SNED1: variants seen among roughly 807,000 people sequenced by gnomAD.
SNED1 encodes the protein sushi, nidogen and EGF like domains 1.
Under a neutral mutation model 166.7 loss-of-function variants are expected in SNED1, and 81 were observed. The observed-to-expected ratio is 0.49, with a 90% confidence interval of 0.41 to 0.58. The LOEUF is 0.58. SNED1 is among the 20% of genes least tolerant of loss of function. SNED1 has a pLI of 0.00. For synonymous variants in SNED1, 762 were observed against 822.0 expected (o/e 0.93, Z 1.25); for missense variants, 1,604 against 2,000.2 (o/e 0.80, Z 3.78).
intron 21 of SNED1, among the ~76,000 whole-genome samples, chr2:241,067,316 G>C (rs2062496792): frequency 6.6e-6 from 1 of 152,204 alleles, no homozygotes; most frequent in Non-Finnish European, 1.5e-5. Flanking sequence ...CCCCTTCCCT[G>C]CAGTTGCTGG....
intron 27 of SNED1, among the ~76,000 whole-genome samples, chr2:241,076,952 G>A (rs531094438): frequency 6.6e-6 from 1 of 152,142 alleles, no homozygotes; most frequent in Non-Finnish European, 1.5e-5. Context: ...GGTGGCGGGC[G>A]CCTGTGGTCC....
At chr2:241,037,644 G>C (rs1269710213) in intron 6 of SNED1, among the ~76,000 whole-genome samples, 1 of 152,252 alleles carries the variant, frequency 6.6e-6, no homozygotes, top group Admixed American at 6.5e-5. Flanking sequence ...ACCAGGCCAG[G>C]ATCAGGGTCA....
intron 16 of SNED1, among the ~76,000 whole-genome samples, chr2:241,057,055 C>G (rs1347616510): frequency 6.6e-6 from 1 of 151,996 alleles, no homozygotes; most frequent in African/African-American, 2.4e-5. Flanking sequence ...CCCACAAATT[C>G]AAAAAGCTCA....
chr2:241,037,009 T>A, intron 5 of SNED1, 94 bp downstream of exon 5: 1 of 1,438,518 alleles, frequency 7.0e-7, no homozygotes, highest in Non-Finnish European at 9.4e-7. Flanking sequence ...GCGCCCAGGG[T>A]CCCAGGTCAG....
chr2:241,062,580 G>A (rs935331463), intron 16 of SNED1, among the ~76,000 whole-genome samples: 11 of 152,118 alleles, frequency 7.2e-5, no homozygotes, highest in African/African-American at 2.7e-4. Flanking sequence ...TTTCAAGCCC[G>A]CCCTGCTGCT....
intron 24 of SNED1, 74 bp from the exon 25 acceptor site, chr2:241,071,502 A>G: frequency 6.7e-7 from 1 of 1,493,152 alleles, no homozygotes; most frequent in Non-Finnish European, 9.0e-7. Flanking sequence ...GAGGGGCACC[A>G]CCCATGCCAC....
intron 21 of SNED1, among the ~76,000 whole-genome samples, chr2:241,066,282 G>A (rs1358370295): frequency 2.0e-5 from 3 of 152,288 alleles, no homozygotes; most frequent in African/African-American, 7.2e-5. Flanking sequence ...AAGATGCTGA[G>A]CGCTCTAGGG....
chr2:241,003,350 G>T (rs1574832317), intron 1 of SNED1, among the ~76,000 whole-genome samples: 2 of 152,308 alleles, frequency 1.3e-5, no homozygotes, highest in East Asian at 3.9e-4. Context: ...TGGTGCCCTG[G>T]TGAAGGACTC....
chr2:241,082,236 G>A (rs535587569), intron 28 of SNED1, 41 bp from the exon 29 acceptor site: 106 of 1,526,984 alleles, frequency 6.9e-5, no homozygotes, highest in South Asian at 6.5e-4. Flanking sequence ...AGGAGGAGCC[G>A]TCAGGAGCAC....
chr2:241,074,711 G>A (rs1575078496), intron 27 of SNED1: 1 of 152,328 alleles, frequency 6.6e-6, no homozygotes, highest in African/African-American at 2.4e-5. Context: ...GCCCCTCGAT[G>A]CGCAAAGCCA....
At chr2:240,997,939 A>C (rs1196112816), upstream of SNED1, among the ~76,000 whole-genome samples, 1 of 152,170 alleles carries the variant, frequency 6.6e-6, no homozygotes, top group Non-Finnish European at 1.5e-5. Flanking sequence ...GGGACCCTGA[A>C]TTCAAATACT....
chr2:241,085,156 T>A (rs565376422), intron 29 of SNED1, among the ~76,000 whole-genome samples: 2 of 152,308 alleles, frequency 1.3e-5, no homozygotes, highest in South Asian at 4.1e-4. Flanking sequence ...TTTAATTTTG[T>A]CAAACTTCGT....
At chr2:240,998,120 C>CT (rs2059968226), upstream of SNED1, among the ~76,000 whole-genome samples, 1 of 152,272 alleles carries the variant, frequency 6.6e-6, no homozygotes, top group Admixed American at 6.5e-5. Context: ...GATGCAAACA[C>CT]TTTGTTCCAT....
chr2:241,045,084 T>G lies in SNED1; in HGVS notation c.1274-3231T>G, dbSNP rs552884173. Among the ~76,000 whole-genome samples the G allele has an allele frequency of 2.0e-5, 3 of 152,292 alleles. No individual in the cohort carries two copies. In the East Asian group the frequency reaches 5.8e-4, roughly 29 times the overall value. ...ATAGCTCCTCTCAAATTGAAAGACT[T>G]TAGTATAAATCTACTAAAACATTAG... is the stretch of plus-strand genomic sequence containing the variant. On this transcript the variant is annotated intron_variant, in intron 8 of 31. Transcript: ENST00000310397.
At position 241,063,611 on chromosome 2, in the gene SNED1, C is replaced by A; in HGVS notation, c.2396C>A (p.Pro799Gln). The part of the protein sequence containing the change: ...ELERDECRAH[P>Q]CRNGGSCRNL... The stretch of plus-strand genomic sequence containing the variant: ...GAGAGGGATGAGTGCCGAGCTCACC[C>A]GTGCAGAAATGGAGGGTCCTGCAGG... Residue 799 changes from proline (P) to glutamine (Q), a missense_variant, in exon 18 of 32, where the codon CCG becomes CAG. Physicochemically the swap from Pro to Gln is moderately conservative, Grantham distance 76. Coordinates refer to ENST00000310397, the MANE Select transcript of SNED1 (RefSeq NM_001080437.3). 2 of 1,611,084 alleles carry A rather than the reference C, an allele frequency of 1.2e-6. No homozygotes were observed. Among genetic ancestry groups the A allele is most frequent in the Non-Finnish European group, 1.7e-6 (2 of 1,178,738 alleles).
In SNED1 at chr2:241,073,476, C is replaced by T. The variant is rs1239001007; in HGVS notation, c.3916+112C>T. On this transcript the variant is annotated intron_variant, in intron 27 of 31. Coordinates refer to ENST00000310397, the MANE Select transcript of SNED1 (RefSeq NM_001080437.3). This position sits in a 1 kb window ranked among gnomAD's most constrained non-coding sequence, Gnocchi z 6.6. Reference sequence around the variant, plus strand: ...GGTGAGGAATCAGGAGGCACAGAGCCTACCTGAGGGGAGGCTGAGCACCAG... The same window carrying T: ...GGTGAGGAATCAGGAGGCACAGAGCTTACCTGAGGGGAGGCTGAGCACCAG... The T allele has an allele frequency of 3.4e-6, 3 of 886,370 alleles. No homozygotes were observed. Among genetic ancestry groups the T allele is most frequent in the Non-Finnish European group, 5.5e-6 (3 of 544,258 alleles). The allele number at this position is 886,370 out of a possible 1,614,324, so 54.9% of individuals were successfully genotyped here. A position where few individuals can be genotyped will look rare whatever the true frequency, so the allele number is the denominator to read the frequency against.
chr2:241,089,300 C>T (rs968923017), intron 31 of SNED1: 8 of 1,549,556 alleles, frequency 5.2e-6, no homozygotes, highest in Non-Finnish European at 7.0e-6. Context: ...TTCCTGGTGG[C>T]GCAGATGAGT....
In SNED1 at chr2:241,071,790, C is replaced by T; in HGVS notation, c.3735-6C>T. The T allele has an allele frequency of 6.3e-7, 1 of 1,590,048 alleles. No homozygotes were observed. Among genetic ancestry groups the T allele is most frequent in the South Asian group, 1.2e-5 (1 of 86,316 alleles). ...GACTGTGGTGACCCTCCCACCCTCT[C>T]TGCAGGTTCTCGGAGCTTGTGGACG... On this transcript the variant is annotated splice_region_variant and splice_polypyrimidine_tract_variant and intron_variant, in intron 25 of 31. Coordinates refer to ENST00000310397, the MANE Select transcript of SNED1 (RefSeq NM_001080437.3).
In SNED1 at chr2:241,052,364, C is replaced by G. The variant is rs780427647; in HGVS notation, c.1979C>G (p.Pro660Arg). The change falls in exon 15 of 32, where the codon CCC (proline) becomes CGC (arginine). Residue 660 changes from proline to arginine, a missense_variant. By Grantham distance (103) the Pro-to-Arg change is moderately radical. Coordinates refer to ENST00000310397, the MANE Select transcript of SNED1 (RefSeq NM_001080437.3). ...SGRHCEIAPS[P>R]CFRSPCVNGG... ...TCCTGCATTCTGGCAGCCCCCTCCC[C>G]CTGCTTCCGGAGCCCGTGTGTGAAT... The G allele has an allele frequency of 6.3e-6, 10 of 1,575,058 alleles. No homozygotes were observed. Among genetic ancestry groups the G allele is most frequent in the African/African-American group, 4.0e-5 (3 of 74,316 alleles).
Sources: gnomAD v4.1 joint callset for allele counts (sites outside exome capture counted in the v4.1 genomes callset) on GRCh38, gnomAD v4.1.1 for gene constraint, Gnocchi (gnomAD v3.1) non-coding constraint, MANE v1.5 for transcripts, NCBI Gene and HGNC (gene_info 2026-07-23, HGNC 2026-07-21) for gene names.